Variants in AVEN observed in about 807,000 individuals in gnomAD.
The protein encoded by AVEN is apoptosis and caspase activation inhibitor, also known as cell death regulator Aven.
In AVEN, 41 loss-of-function variants were observed where a neutral mutation model predicts 38.1. The observed-to-expected ratio is 1.08, with a 90% confidence interval of 0.84 to 1.40. AVEN has a LOEUF of 1.40. Ranked by LOEUF, AVEN falls within the 40% of genes most tolerant of loss-of-function variation. AVEN has a pLI of 0.00. For synonymous variants in AVEN, 206 were observed against 171.8 expected (o/e 1.20, Z -1.56); for missense variants, 605 against 438.8 (o/e 1.38, Z -3.38).
intron 1 of AVEN, among the ~76,000 whole-genome samples, chr15:34,020,237 G>A (rs1277591469): frequency 6.6e-6 from 1 of 152,070 alleles, no homozygotes; most frequent in East Asian, 1.9e-4. Flanking sequence ...CGTGAACCAG[G>A]GAGGCGGAGC....
chr15:33,950,279 C>T (rs2339349), intron 2 of AVEN, among the ~76,000 whole-genome samples: 3,094 of 152,276 alleles, frequency 0.02, 42 homozygotes, highest in African/African-American at 0.038. Flanking sequence ...GGAGATCTAA[C>T]AAACAGCATA....
intron 2 of AVEN, among the ~76,000 whole-genome samples, chr15:33,949,197 G>T (rs1334772718): frequency 6.6e-6 from 1 of 151,320 alleles, no homozygotes; most frequent in Admixed American, 6.6e-5. Context: ...CTAATTTTTT[G>T]CATTTTTTTT....
rs1897202250 is a variant in AVEN, at chr15:34,003,118, C to T, written c.359G>A (p.Arg120Gln). 6 of 1,613,650 alleles carry T rather than the reference C, an allele frequency of 3.7e-6. No individual in the cohort carries two copies. The highest frequency in any genetic ancestry group is 5.1e-6 in the Non-Finnish European group (6 of 1,179,642). ...SKRKIVSNWD[R>Q]YQDIEKEVNN... ...GACCTCTTTTTCAATATCTTGATAT[C>T]GATCCCAGTTAGAGACAATCTTTCT... The change falls in exon 2 of 6, where the codon CGA (arginine) becomes CAA (glutamine). Residue 120 changes from arginine to glutamine, a missense_variant. Arg to Gln is a conservative substitution (Grantham distance 43). Transcript: ENST00000306730.
intron 5 of AVEN, among the ~76,000 whole-genome samples, chr15:34,049,325 C>G (rs969522514): frequency 1.1e-4 from 17 of 152,182 alleles, no homozygotes; most frequent in African/African-American, 4.1e-4. Context: ...AATGCAGGAG[C>G]TGACAGCCAG....
chr15:33,986,015 C>T (rs1197943486), intron 2 of AVEN, among the ~76,000 whole-genome samples: 1 of 152,170 alleles, frequency 6.6e-6, no homozygotes, highest in Non-Finnish European at 1.5e-5. Context: ...TTCATGATGG[C>T]ATAACAAATT....
At position 33,904,646 on chromosome 15, in the gene AVEN, C is replaced by T. The variant is rs187108425; in HGVS notation, c.446-28651G>A. Among the ~76,000 whole-genome samples the T allele has an allele frequency of 7.8e-3, 1,166 of 149,040 alleles. 12 individuals are homozygous for T. Among genetic ancestry groups the T allele is most frequent in the Non-Finnish European group, 0.011 (735 of 67,652 alleles). ...CAGGCTGGTCTCGAACTCCTGACCTCAGGTAATCCACCTGCCTTGGCCGAG... is the reference window on the plus strand; with the variant it reads ...CAGGCTGGTCTCGAACTCCTGACCTTAGGTAATCCACCTGCCTTGGCCGAG... On this transcript the variant is annotated intron_variant, in intron 2 of 5. Coordinates refer to ENST00000306730, the MANE Select transcript of AVEN (RefSeq NM_020371.3).
At chr15:33,974,945 C>G (rs1211343626) in intron 2 of AVEN, among the ~76,000 whole-genome samples, 1 of 152,156 alleles carries the variant, frequency 6.6e-6, no homozygotes, top group Non-Finnish European at 1.5e-5. Context: ...ACGCTCCAGC[C>G]TGAGCAACAA....
At chr15:33,903,464 C>T (rs10438379) in intron 2 of AVEN, among the ~76,000 whole-genome samples, 21,301 of 152,200 alleles carry the variant, frequency 0.14, 3,657 homozygotes, top group African/African-American at 0.41. Context: ...TAAATTCCTT[C>T]TCTGCTTAAA....
chr15:33,863,823 ATTTTATTG>A (rs1889425101), downstream of AVEN, among the ~76,000 whole-genome samples: 1 of 152,178 alleles, frequency 6.6e-6, no homozygotes, highest in South Asian at 2.1e-4. Flanking sequence ...TTGGGCTACC[ATTTTATTG>A]TTTTATTAGA....
chr15:33,948,844 T>C (rs1567429029), intron 2 of AVEN, among the ~76,000 whole-genome samples: 1 of 152,068 alleles, frequency 6.6e-6, no homozygotes, highest in African/African-American at 2.4e-5. Context: ...GGCTAACTTT[T>C]GTATTTTTAT....
In AVEN at chr15:34,008,192, A is replaced by G. The variant is rs1444309820; in HGVS notation, c.268-4983T>C. On this transcript the variant is annotated intron_variant, in intron 1 of 5. Coordinates refer to ENST00000306730, the MANE Select transcript of AVEN (RefSeq NM_020371.3). ...TCCCAGCACTTTGGGAAGCCAAGGCAGAAGGATTGCTTGAGGCCAGGAGTT... is the reference window on the plus strand; with the variant it reads ...TCCCAGCACTTTGGGAAGCCAAGGCGGAAGGATTGCTTGAGGCCAGGAGTT... 2.0e-5 allele frequency among the ~76,000 whole-genome samples: 3 copies of G among 152,080 alleles called. No individual in the cohort carries two copies. In the East Asian group the frequency reaches 5.8e-4, roughly 30 times the overall value.
At chr15:33,853,765 G>A in the AVEN span, 1 of 1,521,142 alleles carries the variant, frequency 6.6e-7, no homozygotes, top group Non-Finnish European at 8.9e-7. Context: ...TCACAACCGT[G>A]TCTTTGTTCT....
At position 33,867,682 on chromosome 15, in the gene AVEN, C is replaced by G. The variant is rs751557522; in HGVS notation, c.786G>C (p.Pro262=). 3 of 1,614,118 alleles carry G rather than the reference C, an allele frequency of 1.9e-6. No homozygotes were observed. The highest frequency in any genetic ancestry group is 2.5e-6 in the Non-Finnish European group (3 of 1,180,014). Residue 262 remains proline, a synonymous_variant, in exon 5 of 6, where the codon CCG becomes CCC. Transcript: ENST00000306730. ...GTTTCTGAGAATCCCTTGAAGGACC[C>G]GGGCTTGGGTTGTCTTTGCCCAGCA... The part of the protein sequence containing the change: ...PVLLGKDNPS[P]GPSRDSQKPT...
chr15:34,063,923 C>T lies in AVEN; in HGVS notation n.1127-491G>A. 6.2e-7 allele frequency: 1 copy of T among 1,614,176 alleles called. No individual in the cohort carries two copies. The highest frequency in any genetic ancestry group is 1.1e-5 in the South Asian group (1 of 91,082). On this transcript the variant is annotated intron_variant and non_coding_transcript_variant, in intron 4 of 11. Coordinates refer to the AVEN transcript ENST00000675287. This position sits in a 1 kb window ranked among gnomAD's most constrained non-coding sequence, Gnocchi z 4.1. ...ACAATGGCTGTCACAAGGTGAAAAT[C>T]ATGCCCTGCCCCTTCCCAGTGGCCA...
At chr15:33,945,781 T>G in intron 2 of AVEN, among the ~76,000 whole-genome samples, 1 of 152,078 alleles carries the variant, frequency 6.6e-6, no homozygotes, top group East Asian at 1.9e-4. Flanking sequence ...GAGACGGGGT[T>G]TCGCTATGTT....
At chr15:33,967,993 T>C (rs74007643) in intron 2 of AVEN, among the ~76,000 whole-genome samples, 7,008 of 149,860 alleles carry the variant, frequency 0.047, 492 homozygotes, top group African/African-American at 0.15. Context: ...ACTCACAGTA[T>C]ACTCTTTCTA....
chr15:33,865,486 G>C (rs1052013213), downstream of AVEN: 2 of 408,446 alleles, frequency 4.9e-6, no homozygotes, highest in South Asian at 4.0e-5. Context: ...ATGCCTTCAA[G>C]TTTTCCAGTT....
chr15:33,885,156 G>A (rs895905580), intron 2 of AVEN, among the ~76,000 whole-genome samples: 6 of 152,142 alleles, frequency 3.9e-5, no homozygotes, highest in South Asian at 2.1e-4. Context: ...TTTATAGGTC[G>A]ACAAAGGCTG....
At chr15:33,928,027 G>A (rs1047623592) in intron 2 of AVEN, among the ~76,000 whole-genome samples, 1 of 152,222 alleles carries the variant, frequency 6.6e-6, no homozygotes, top group African/African-American at 2.4e-5. Context: ...GGGTAGTGGA[G>A]AAGAAACAGG....
Sources: gnomAD v4.1 joint callset for allele counts (sites outside exome capture counted in the v4.1 genomes callset) on GRCh38, gnomAD v4.1.1 for gene constraint, Gnocchi (gnomAD v3.1) non-coding constraint, MANE v1.5 for transcripts, NCBI Gene and HGNC (gene_info 2026-07-23, HGNC 2026-07-21) for gene names.